RABL6: variants seen among roughly 807,000 people sequenced by gnomAD.
RABL6 encodes RAB, member RAS oncogene family like 6, also known as rab-like protein 6.
RABL6 carries 28 observed loss-of-function variants against 72.9 expected under a neutral mutation model. The ratio of observed to expected loss-of-function variants is 0.38; its 90% CI spans 0.28 to 0.53. The LOEUF is 0.53. Among genes scored for constraint, RABL6 ranks in the 20% least tolerant of loss-of-function variants. RABL6 has a pLI of 0.80. For missense variants in RABL6, 1,029 were observed against 1,008.4 expected (o/e 1.02, Z -0.28); for synonymous variants, 477 against 421.2 (o/e 1.13, Z -1.62).
rs555234199 is a variant in RABL6 at position 136,837,327 on chromosome 9, C to G, written c.810-19C>G. On this transcript the variant is annotated intron_variant, in intron 8 of 14. Transcript: ENST00000311502. ...AGAGGCAGGGGAGCCAGGCTTCTCACCCGCCTTCTGCCTTTCAGCTTCCTG... is the reference window on the plus strand; with the variant it reads ...AGAGGCAGGGGAGCCAGGCTTCTCAGCCGCCTTCTGCCTTTCAGCTTCCTG... 21 of 1,594,822 alleles carry G rather than the reference C, an allele frequency of 1.3e-5. No homozygotes were observed. The African/African-American group carries it at 2.7e-4, about 20-fold the overall frequency.
intron 6 of RABL6, 194 bp downstream of exon 6, chr9:136,832,055 T>C (rs1848488727): frequency 1.0e-6 from 1 of 998,148 alleles, no homozygotes; most frequent in African/African-American, 1.6e-5. Flanking sequence ...GCTGGGGAAC[T>C]GTGTGCCAGG....
intron 7 of RABL6, chr9:136,833,732 C>T (rs1588368711): frequency 1.3e-6 from 2 of 1,550,442 alleles, no homozygotes. Context: ...GGATGTCAGG[C>T]TTGCCCAGGA....
Position 136,840,304 on chromosome 9 carries a change from C to T in RABL6, c.1990-18C>T. On this transcript the variant is annotated intron_variant, in intron 14 of 14. Coordinates refer to ENST00000311502, the MANE Select transcript of RABL6 (RefSeq NM_024718.5). Reference sequence around the variant, plus strand: ...GGCTTCCTGTGACTCCATGGCGCCCCATCCTTGTGCTCCTCAGGAAGAAGA... The same window carrying T: ...GGCTTCCTGTGACTCCATGGCGCCCTATCCTTGTGCTCCTCAGGAAGAAGA... The T allele has an allele frequency of 6.2e-7, 1 of 1,602,378 alleles. No homozygotes were observed. Among genetic ancestry groups the T allele is most frequent in the Non-Finnish European group, 8.5e-7 (1 of 1,174,664 alleles).
intron 7 of RABL6, chr9:136,833,767 G>A: frequency 1.9e-6 from 3 of 1,550,536 alleles, no homozygotes; most frequent in East Asian, 2.4e-5. Flanking sequence ...TCGTCCTGGT[G>A]TCAGAAGAAG....
chr9:136,808,574 TC>T (rs1847924703), intron 1 of RABL6: 1 of 230,838 alleles, frequency 4.3e-6, no homozygotes, highest in Non-Finnish European at 8.2e-6. Flanking sequence ...CGCGTGTCGC[TC>T]CCGCCGCGCT....
At chr9:136,834,889 A>G (rs990150385) in intron 7 of RABL6, among the ~76,000 whole-genome samples, 3 of 148,604 alleles carry the variant, frequency 2.0e-5, no homozygotes, top group African/African-American at 7.4e-5. Flanking sequence ...GGAGTTCCAG[A>G]TCTTCTGCCT....
intron 1 of RABL6, chr9:136,808,860 T>G (rs1847936921): frequency 6.6e-6 from 1 of 152,180 alleles, no homozygotes; most frequent in South Asian, 2.1e-4. Context: ...AAAGAAGCGT[T>G]TGTAAGAGAC....
intron 1 of RABL6, among the ~76,000 whole-genome samples, chr9:136,811,778 C>T (rs1429966116): frequency 6.6e-6 from 1 of 152,088 alleles, no homozygotes; most frequent in African/African-American, 2.4e-5. Flanking sequence ...AGGCGTGAGC[C>T]ACCGCGCCTG....
In RABL6 at chr9:136,839,607, TG is replaced by T. The variant is rs112772904; in HGVS notation, c.1759-84del. 5.4e-4 allele frequency: 836 copies of T among 1,547,602 alleles called. 7 individuals are homozygous for T. The African/African-American group carries it at 0.01, about 19-fold the overall frequency. ...AAGAGGCATCTCATGTCCCCACACT[TG>T]GGCCTTGCCGGCCTGGTTTGAGATC... On this transcript the variant is annotated intron_variant, in intron 12 of 14. Coordinates refer to ENST00000311502, the MANE Select transcript of RABL6 (RefSeq NM_024718.5).
chr9:136,819,042 G>T (rs1432061771), intron 1 of RABL6, among the ~76,000 whole-genome samples: 3 of 151,822 alleles, frequency 2.0e-5, no homozygotes, highest in African/African-American at 7.3e-5. Context: ...CCTTGTCCAG[G>T]CCGGGCGCGG....
At position 136,839,737 on chromosome 9, in the gene RABL6, A is replaced by G. The variant is rs1848653965; in HGVS notation, c.1802A>G (p.Glu601Gly). The G allele has an allele frequency of 2.5e-6, 4 of 1,608,880 alleles. No homozygotes were observed. Among genetic ancestry groups the G allele is most frequent in the African/African-American group, 2.7e-5 (2 of 74,818 alleles). Residue 601 changes from glutamate to glycine, a missense_variant, in exon 13 of 15, where the codon GAG becomes GGG. Coordinates refer to ENST00000311502, the MANE Select transcript of RABL6 (RefSeq NM_024718.5). ...VRDDPSDVTDEDEGPAEPPPP... is the reference protein window; with the variant it reads ...VRDDPSDVTDGDEGPAEPPPP... Reference sequence around the variant, plus strand: ...GATGACCCCTCCGATGTGACTGACGAGGATGAGGGCCCTGCCGAGCCGCCC... The same window carrying G: ...GATGACCCCTCCGATGTGACTGACGGGGATGAGGGCCCTGCCGAGCCGCCC...
At chr9:136,819,425 A>G (rs1022953607) in intron 1 of RABL6, among the ~76,000 whole-genome samples, 1 of 152,208 alleles carries the variant, frequency 6.6e-6, no homozygotes, top group African/African-American at 2.4e-5. Context: ...ACTAAAAATC[A>G]TAAAATAACA....
At chr9:136,829,043 C>A (rs1057325513) in intron 4 of RABL6, among the ~76,000 whole-genome samples, 1 of 152,204 alleles carries the variant, frequency 6.6e-6, no homozygotes. Flanking sequence ...GGCACTGGAA[C>A]CTTCCGGAAC....
At chr9:136,828,268 C>G in intron 3 of RABL6, 1 of 542,826 alleles carries the variant, frequency 1.8e-6, no homozygotes, top group East Asian at 3.1e-5. Flanking sequence ...CAACTAGCAC[C>G]TCCTGTCCAG....
chr9:136,832,279 C>T lies in RABL6; in HGVS notation c.614C>T (p.Ser205Phe). The T allele has an allele frequency of 6.2e-7, 1 of 1,613,838 alleles. No individual in the cohort carries two copies. The highest frequency in any genetic ancestry group is 8.5e-7 in the Non-Finnish European group (1 of 1,179,796). ...IDNLDRPPGS[S>F]YFRYAESSMK... Reference sequence around the variant, plus strand: ...TCTGAAAGCAGACCTCCAGGTTCCTCCTACTTCCGCTATGCTGAGTCTTCC... The same window carrying T: ...TCTGAAAGCAGACCTCCAGGTTCCTTCTACTTCCGCTATGCTGAGTCTTCC... The change falls in exon 7 of 15, where the codon TCC becomes TTC. Residue 205 changes from serine (S) to phenylalanine (F), a missense_variant. This residue lies in a region of RABL6 where 434 missense variants were observed against 536.1 expected (regional missense o/e 0.81). Coordinates refer to ENST00000311502, the MANE Select transcript of RABL6 (RefSeq NM_024718.5).
chr9:136,831,709 C>G lies in RABL6; in HGVS notation c.459-12C>G. On this transcript the variant is annotated splice_polypyrimidine_tract_variant and intron_variant, in intron 5 of 14. Coordinates refer to ENST00000311502, the MANE Select transcript of RABL6 (RefSeq NM_024718.5). ...GGCTGAAACTAAGCCAGGTCCTCAC[C>G]TGTTCTCCGAGGACCTTCAATTACA... 6.2e-7 allele frequency: 1 copy of G among 1,613,020 alleles called. No homozygotes were observed. Among genetic ancestry groups the G allele is most frequent in the Non-Finnish European group, 8.5e-7 (1 of 1,179,764 alleles).
rs1171954744 is a variant in RABL6, at chr9:136,821,847, C to T, written c.131-1678C>T. The T allele has an allele frequency of 2.5e-6, 3 of 1,212,160 alleles. No homozygotes were observed. In the African/African-American group the frequency reaches 4.9e-5, roughly 20 times the overall value. 75.1% of individuals were successfully genotyped at this position (1,212,160 alleles called of 1,614,324 possible). A position where few individuals can be genotyped will look rare whatever the true frequency, so the allele number is the denominator to read the frequency against. ...CAGCCTTCCGCGGGGTGGGCTCGGC[C>T]GGGAGAAGCGCGGAGCCTCCTGGCT... On this transcript the variant is annotated intron_variant, in intron 1 of 14. Coordinates refer to ENST00000311502, the MANE Select transcript of RABL6 (RefSeq NM_024718.5).
intron 1 of RABL6, chr9:136,822,194 TG>T (rs145791183): frequency 6.2e-5 from 53 of 861,026 alleles, no homozygotes; most frequent in African/African-American, 7.2e-5. Flanking sequence ...ACAGAAAACC[TG>T]GGGGGGGCGT....
chr9:136,823,332 C>G (rs1848283930), intron 1 of RABL6, among the ~76,000 whole-genome samples, 193 bp from the exon 2 acceptor site: 1 of 152,130 alleles, frequency 6.6e-6, no homozygotes, highest in Non-Finnish European at 1.5e-5. Flanking sequence ...GCCAGGTGTC[C>G]TCCTGATGGG....
Sources: allele counts gnomAD v4.1 joint callset (sites outside exome capture counted in the v4.1 genomes callset), GRCh38; gene constraint gnomAD v4.1.1; regional missense constraint gnomAD v4.1.1; transcripts MANE v1.5; gene names NCBI Gene and HGNC (gene_info 2026-07-23, HGNC 2026-07-21).